The following RALGPS1 variants were observed in gnomAD, a reference collection of about 807,000 sequenced individuals.
RALGPS1 encodes ras-specific guanine nucleotide-releasing factor RalGPS1.
Under a neutral mutation model 78.8 loss-of-function variants are expected in RALGPS1, and 19 were observed. The ratio of observed to expected loss-of-function variants is 0.24; its 90% CI spans 0.17 to 0.35. RALGPS1 has a LOEUF of 0.35. Ranked by LOEUF, RALGPS1 falls within the 10% of genes least tolerant of loss-of-function variation. The pLI, the probability that RALGPS1 is intolerant of heterozygous loss-of-function variation, is 1.00. For missense variants in RALGPS1, 454 were observed against 688.3 expected (o/e 0.66, Z 3.81); for synonymous variants, 228 against 256.3 (o/e 0.89, Z 1.06).
intron 7 of RALGPS1, among the ~76,000 whole-genome samples, chr9:127,058,721 A>C (rs1354460938): frequency 1.3e-5 from 2 of 152,144 alleles, no homozygotes. Flanking sequence ...CATATGGATG[A>C]GTCACTCATT....
chr9:127,086,733 G>A (rs545315890), intron 8 of RALGPS1, among the ~76,000 whole-genome samples: 1 of 152,074 alleles, frequency 6.6e-6, no homozygotes, highest in Non-Finnish European at 1.5e-5. Flanking sequence ...GTATCTTTTA[G>A]TCTTTTCCTT....
At chr9:126,989,846 T>C (rs2042124624) in intron 4 of RALGPS1, 2 of 1,545,558 alleles carry the variant, frequency 1.3e-6, no homozygotes, top group Non-Finnish European at 1.7e-6. Context: ...CTCGAGACCT[T>C]GAGCTTGACT....
intron 8 of RALGPS1, among the ~76,000 whole-genome samples, chr9:127,073,695 A>G (rs767186905): frequency 5.9e-5 from 9 of 152,072 alleles, no homozygotes; most frequent in Non-Finnish European, 7.4e-5. Flanking sequence ...CAGTGGCTGT[A>G]CTAACATACA....
rs115977403 is a variant in RALGPS1, at chr9:127,012,129, C to T, written c.217-22302C>T. Among the ~76,000 whole-genome samples the T allele has an allele frequency of 5.1e-3, 784 of 152,258 alleles. 5 individuals are homozygous for T. The highest frequency in any genetic ancestry group is 0.018 in the African/African-American group (736 of 41,544). On this transcript the variant is annotated intron_variant, in intron 4 of 18. Transcript: ENST00000259351. ...TTTAATTTATGGCTGCAGATTGTTT[C>T]TTTCTCCTGAGTGTAGGTATTGAGG...
chr9:127,120,608 G>T (rs1286158313), intron 8 of RALGPS1, among the ~76,000 whole-genome samples: 2 of 152,218 alleles, frequency 1.3e-5, no homozygotes, highest in African/African-American at 4.8e-5. Context: ...CGGATCACGA[G>T]GTCAGGAGAT....
intron 11 of RALGPS1, among the ~76,000 whole-genome samples, chr9:127,188,080 T>TC (rs2060774032): frequency 8.4e-6 from 1 of 118,700 alleles, no homozygotes; most frequent in Non-Finnish European, 1.8e-5. Context: ...TTTTTTTTTT[T>TC]AGACGGAGTC....
chr9:127,213,095 T>C (rs1223901785), intron 17 of RALGPS1, 46 bp downstream of exon 17: 33 of 1,612,818 alleles, frequency 2.0e-5, no homozygotes, highest in Non-Finnish European at 2.8e-5. Context: ...TCTCTGCCCA[T>C]TTCCTCTCTT....
At chr9:126,956,677 C>T (rs569968969) in intron 1 of RALGPS1, among the ~76,000 whole-genome samples, 18 of 152,284 alleles carry the variant, frequency 1.2e-4, no homozygotes, top group African/African-American at 3.9e-4. Flanking sequence ...GAACCCACTG[C>T]TGATGATCCC....
In RALGPS1 at chr9:127,168,674, T is replaced by G; in HGVS notation, c.749-5T>G. ...AAGTTTCTGGATGTGGTCCACCTTT[T>G]GCAGATCACCTCACCACCCTGCCCC... On this transcript the variant is annotated splice_region_variant and splice_polypyrimidine_tract_variant and intron_variant, in intron 9 of 18. Transcript: ENST00000259351. 6.2e-7 allele frequency: 1 copy of G among 1,603,174 alleles called. No homozygotes were observed. The highest frequency in any genetic ancestry group is 1.1e-5 in the South Asian group (1 of 90,836).
At chr9:126,976,341 A>G (rs1423653218) in intron 3 of RALGPS1, among the ~76,000 whole-genome samples, 1 of 150,144 alleles carries the variant, frequency 6.7e-6, no homozygotes. Flanking sequence ...ACTTTCATAT[A>G]CACGCACACA....
chr9:127,151,864 C>T (rs1289146826), intron 8 of RALGPS1, among the ~76,000 whole-genome samples: 1 of 152,174 alleles, frequency 6.6e-6, no homozygotes, highest in East Asian at 1.9e-4. Flanking sequence ...TGGGTCATCT[C>T]TCTGTTCTCA....
At chr9:127,131,480 A>AT (rs2057001029) in intron 8 of RALGPS1, among the ~76,000 whole-genome samples, 1 of 152,162 alleles carries the variant, frequency 6.6e-6, no homozygotes, top group Non-Finnish European at 1.5e-5. Context: ...GGATTACGTC[A>AT]TTGAGTTCTC....
Position 127,033,655 on chromosome 9 carries a change from C to A in RALGPS1, c.217-776C>A, listed in dbSNP as rs80129450. Among the ~76,000 whole-genome samples, 300 of 152,314 alleles carry A rather than the reference C, an allele frequency of 2.0e-3. 1 individual carries two copies. Among genetic ancestry groups the A allele is most frequent in the Non-Finnish European group, 3.4e-3 (230 of 68,028 alleles). On this transcript the variant is annotated intron_variant, in intron 4 of 18. Transcript: ENST00000259351. ...CTGTTTCAGGGCTCCACAAGGCACA[C>A]ACTGAGAATGCTGGGCATTTGGATG...
chr9:127,200,755 T>A (rs535311872), intron 14 of RALGPS1, among the ~76,000 whole-genome samples: 1 of 152,302 alleles, frequency 6.6e-6, no homozygotes, highest in Non-Finnish European at 1.5e-5. Flanking sequence ...ACTCTAGAAC[T>A]CTCAGCATCA....
chr9:127,081,910 G>A (rs868167480), intron 8 of RALGPS1, among the ~76,000 whole-genome samples: 45 of 152,244 alleles, frequency 3.0e-4, no homozygotes, highest in African/African-American at 1.1e-3. Context: ...GGGAGAGATT[G>A]TCTGCGTCTG....
chr9:126,980,894 G>A (rs1176605628), intron 4 of RALGPS1, among the ~76,000 whole-genome samples: 1 of 152,188 alleles, frequency 6.6e-6, no homozygotes. Flanking sequence ...CTTCCATTGT[G>A]TAAGCAATAT....
intron 5 of RALGPS1, among the ~76,000 whole-genome samples, chr9:127,038,322 G>A (rs1589148294): frequency 6.6e-6 from 1 of 152,170 alleles, no homozygotes; most frequent in Non-Finnish European, 1.5e-5. Flanking sequence ...TCATTTCATG[G>A]ATAAAGAAAC....
intron 8 of RALGPS1, among the ~76,000 whole-genome samples, chr9:127,093,417 CT>C (rs2052720891): frequency 6.6e-6 from 1 of 152,170 alleles, no homozygotes; most frequent in Non-Finnish European, 1.5e-5. Flanking sequence ...CTCCTCACCC[CT>C]GGGCCCCCAT....
intron 4 of RALGPS1, among the ~76,000 whole-genome samples, chr9:126,979,721 G>A (rs2041063829): frequency 6.6e-6 from 1 of 152,190 alleles, no homozygotes; most frequent in African/African-American, 2.4e-5. Context: ...AGTTTGGAAG[G>A]TACCTCATCA....
Sources: gnomAD v4.1 joint callset for allele counts (sites outside exome capture counted in the v4.1 genomes callset) on GRCh38, gnomAD v4.1.1 for gene constraint, MANE v1.5 for transcripts, NCBI Gene and HGNC (gene_info 2026-07-23, HGNC 2026-07-21) for gene names.